NRXN1: variants seen among roughly 807,000 people sequenced by gnomAD.
NRXN1 encodes the protein neurexin-1.
In NRXN1, 39 loss-of-function variants were observed where a neutral mutation model predicts 150.9. That is an observed-to-expected ratio of 0.26 (90% CI 0.20 to 0.34). The LOEUF is 0.34. NRXN1 is among the 10% of genes least tolerant of loss of function. The pLI, the probability that NRXN1 is intolerant of heterozygous loss-of-function variation, is 1.00. For missense variants in NRXN1, 1,815 were observed against 1,949.9 expected, an observed-to-expected ratio of 0.93 and a Z score of 1.30; for synonymous variants, 924 against 757.0, an observed-to-expected ratio of 1.22 and a Z score of -3.62.
intron 17 of NRXN1, among the ~76,000 whole-genome samples, chr2:50,367,428 TTC>T (rs1272356063): frequency 6.6e-6 from 1 of 152,044 alleles, no homozygotes; most frequent in African/African-American, 2.4e-5. Context: ...CTGCCATACA[TTC>T]TTTCATCCAC....
At chr2:50,005,622 C>T (rs1432685728) in intron 21 of NRXN1, among the ~76,000 whole-genome samples, 2 of 152,210 alleles carry the variant, frequency 1.3e-5, no homozygotes, top group East Asian at 1.9e-4. Flanking sequence ...AACAAAAGCA[C>T]AACCAAAAAC....
intron 17 of NRXN1, among the ~76,000 whole-genome samples, chr2:50,351,070 C>A (rs933174715): frequency 6.6e-6 from 1 of 152,132 alleles, no homozygotes; most frequent in African/African-American, 2.4e-5. Flanking sequence ...CTGGATGAAG[C>A]AAATAAAGCT....
rs1301981565 is a variant in NRXN1 at position 49,958,964 on chromosome 2, GC to G, written c.4129-15174del. 7.9e-5 allele frequency among the ~76,000 whole-genome samples: 12 copies of G among 152,262 alleles called. No individual in the cohort carries two copies. The East Asian group carries it at 1.9e-3, about 24-fold the overall frequency. ...ATCAGAGAGGTTCTCAAATGAGAAA[GC>G]CCAGGTGCATGAGAGCACTCAGTCA... On this transcript the variant is annotated intron_variant, in intron 21 of 22. Transcript: ENST00000401669.
intron 17 of NRXN1, among the ~76,000 whole-genome samples, chr2:50,275,790 T>G (rs2070357917): frequency 6.6e-6 from 1 of 152,068 alleles, no homozygotes; most frequent in Non-Finnish European, 1.5e-5. Context: ...AAAAGAAAAG[T>G]GCCTAATCTT....
At chr2:50,658,840 T>C (rs928119951) in intron 5 of NRXN1, among the ~76,000 whole-genome samples, 1 of 152,024 alleles carries the variant, frequency 6.6e-6, no homozygotes, top group Non-Finnish European at 1.5e-5. Context: ...TCTCCCTTTT[T>C]AGAGTTGTAT....
intron 21 of NRXN1, among the ~76,000 whole-genome samples, chr2:49,964,809 C>T (rs902456802): frequency 5.3e-5 from 8 of 151,794 alleles, no homozygotes; most frequent in Non-Finnish European, 8.8e-5. Flanking sequence ...CCATTGCACT[C>T]CAGCCTGGGC....
At chr2:50,577,373 A>C (rs1255942510) in intron 8 of NRXN1, among the ~76,000 whole-genome samples, 4 of 152,252 alleles carry the variant, frequency 2.6e-5, no homozygotes, top group African/African-American at 9.6e-5. Flanking sequence ...TCTAAAAAAA[A>C]AAAACAAAGA....
intron 5 of NRXN1, among the ~76,000 whole-genome samples, chr2:50,816,145 C>T (rs897361084): frequency 1.3e-5 from 2 of 151,988 alleles, no homozygotes; most frequent in African/African-American, 4.8e-5. Flanking sequence ...CTATGGTTTT[C>T]TCTTAATGTT....
At chr2:50,446,552 CTCCTTCTTTCCTTCCT>C (rs1380397038) in intron 17 of NRXN1, among the ~76,000 whole-genome samples, 1,481 of 137,220 alleles carry the variant, frequency 0.011, 29 homozygotes, top group African/African-American at 0.037. Flanking sequence ...CCTTCCTTCC[CTCCTTCTTTCCTTCCT>C]TCCTTCTTTC....
At chr2:50,055,922 T>C (rs1464911091) in intron 19 of NRXN1, among the ~76,000 whole-genome samples, 1 of 152,186 alleles carries the variant, frequency 6.6e-6, no homozygotes, top group Non-Finnish European at 1.5e-5. Flanking sequence ...CCTGCTTCTT[T>C]GCATAAAAAA....
At chr2:50,061,210 G>T (rs1694483421) in intron 19 of NRXN1, among the ~76,000 whole-genome samples, 1 of 152,062 alleles carries the variant, frequency 6.6e-6, no homozygotes, top group African/African-American at 2.4e-5. Flanking sequence ...GCATGATTTT[G>T]CTGATTATAT....
At chr2:50,957,951 G>T (rs1320775766) in intron 2 of NRXN1, among the ~76,000 whole-genome samples, 1 of 152,074 alleles carries the variant, frequency 6.6e-6, no homozygotes, top group African/African-American at 2.4e-5. Flanking sequence ...GATCATTCAA[G>T]AGTTAGCTTT....
chr2:50,266,443 TTATTA>T (rs1406494896), intron 17 of NRXN1, among the ~76,000 whole-genome samples: 1 of 147,904 alleles, frequency 6.8e-6, no homozygotes, highest in Admixed American at 6.8e-5. Flanking sequence ...GCATTATATT[TTATTA>T]TAATTATATA....
At position 50,354,586 on chromosome 2, in the gene NRXN1, T is replaced by TATATATATAC. The variant is rs1273118975; in HGVS notation, c.3364+110855_3364+110856insGTATATATAT. On this transcript the variant is annotated intron_variant, in intron 17 of 22. Coordinates refer to ENST00000401669, the MANE Select transcript of NRXN1 (RefSeq NM_001330078.2). ...ATATATATATATATATATATATATA[T>TATATATATAC]ACACACACACACTAGCTTTTTGCTG... Among the ~76,000 whole-genome samples, 1,157 of 124,402 alleles carry TATATATATAC rather than the reference T, an allele frequency of 9.3e-3. 10 individuals are homozygous for TATATATATAC. The highest frequency in any genetic ancestry group is 0.015 in the Non-Finnish European group (868 of 57,858). 81.6% of individuals were successfully genotyped at this position (124,402 alleles called of 152,430 possible). A position where few individuals can be genotyped will look rare whatever the true frequency, so the allele number is the denominator to read the frequency against.
chr2:50,538,711 C>T, intron 9 of NRXN1, 75 bp from the exon 10 acceptor site: 1 of 1,255,682 alleles, frequency 8.0e-7, no homozygotes, highest in Non-Finnish European at 1.1e-6. Context: ...TCTCTTTCGT[C>T]TGCTTGATGG....
At chr2:50,517,564 G>A (rs1321001901) in intron 12 of NRXN1, among the ~76,000 whole-genome samples, 1 of 152,084 alleles carries the variant, frequency 6.6e-6, no homozygotes, top group Non-Finnish European at 1.5e-5. Flanking sequence ...TAGCAGGATG[G>A]AATTTGGTAA....
intron 16 of NRXN1, chr2:50,466,384 G>A (rs1035218535): frequency 4.7e-6 from 2 of 428,508 alleles, no homozygotes; most frequent in Non-Finnish European, 9.5e-6. Context: ...CTGCAGAAAT[G>A]TAAAATATGT....
At chr2:50,962,244 G>T (rs1377748948) in intron 2 of NRXN1, among the ~76,000 whole-genome samples, 1 of 151,638 alleles carries the variant, frequency 6.6e-6, no homozygotes, top group Non-Finnish European at 1.5e-5. Context: ...ATTAACAAAA[G>T]GCGCCTCTCC....
chr2:50,027,384 C>CCCTA (rs1255549483), intron 21 of NRXN1, among the ~76,000 whole-genome samples: 3 of 139,128 alleles, frequency 2.2e-5, no homozygotes, highest in African/African-American at 8.2e-5. Context: ...CTTCCTTCCT[C>CCCTA]CCTCCCTTCC....
Sources: allele counts gnomAD v4.1 joint callset (sites outside exome capture counted in the v4.1 genomes callset), GRCh38; gene constraint gnomAD v4.1.1; transcripts MANE v1.5; gene names NCBI Gene and HGNC (gene_info 2026-07-23, HGNC 2026-07-21).